ASIC2: variants seen among roughly 807,000 people sequenced by gnomAD.
ASIC2 encodes acid sensing ion channel subunit 2.
Under a neutral mutation model 57.3 loss-of-function variants are expected in ASIC2, and 25 were observed. The observed-to-expected ratio is 0.44, with a 90% CI of 0.32 to 0.61. The LOEUF (loss-of-function observed/expected upper bound fraction) is 0.61, where lower values mean the gene tolerates loss of function less well. ASIC2 is among the 20% of genes least tolerant of loss of function. The pLI is 0.06. For missense variants in ASIC2, 641 were observed against 738.1 expected (o/e 0.87, Z 1.52); for synonymous variants, 319 against 307.5 (o/e 1.04, Z -0.39).
intron 1 of ASIC2, among the ~76,000 whole-genome samples, chr17:33,803,772 TA>T: frequency 6.6e-6 from 1 of 152,218 alleles, no homozygotes; most frequent in East Asian, 1.9e-4. Context: ...GTAAGGAAGA[TA>T]AAGGCTTGGA....
intron 1 of ASIC2, chr17:33,827,657 A>G (rs1265532714): frequency 6.6e-6 from 1 of 151,694 alleles, no homozygotes; most frequent in East Asian, 1.9e-4. Flanking sequence ...GCTCACTCTT[A>G]TTTATGAAGG....
At chr17:33,147,789 A>G (rs930129202) in intron 1 of ASIC2, among the ~76,000 whole-genome samples, 5 of 152,206 alleles carry the variant, frequency 3.3e-5, no homozygotes, top group Non-Finnish European at 5.9e-5. Context: ...TGGCACATCC[A>G]TCACTTTTAA....
intron 1 of ASIC2, chr17:33,692,513 T>C (rs952561316): frequency 3.9e-5 from 6 of 152,178 alleles, no homozygotes; most frequent in African/African-American, 1.2e-4. Context: ...CCAAACAGTA[T>C]ACACAAATAA....
chr17:34,040,805 G>A lies in ASIC2; in HGVS notation c.555+115173C>T, dbSNP rs376615303. 3.3e-5 allele frequency among the ~76,000 whole-genome samples: 5 copies of A among 152,246 alleles called. No homozygotes were observed. The East Asian group carries it at 7.7e-4, about 24-fold the overall frequency. ...TTACTGAAGCAATAGTTAAGTTTGA[G>A]GGAAAAACACCAAATATAACTACAG... is the stretch of plus-strand genomic sequence containing the variant. On this transcript the variant is annotated intron_variant, in intron 1 of 9. Transcript: ENST00000359872.
chr17:33,291,204 G>A (rs1597668474), intron 1 of ASIC2: 4 of 1,167,576 alleles, frequency 3.4e-6, no homozygotes, highest in East Asian at 2.8e-5. Flanking sequence ...CTGGTGGGAG[G>A]CGACTCCTCC....
intron 1 of ASIC2, among the ~76,000 whole-genome samples, chr17:33,235,669 G>A (rs555471930): frequency 2.0e-5 from 3 of 152,068 alleles, no homozygotes; most frequent in Non-Finnish European, 4.4e-5. Context: ...GAAGGAACCT[G>A]CCCTGGACAG....
intron 1 of ASIC2, among the ~76,000 whole-genome samples, chr17:33,873,883 A>C (rs757226612): frequency 6.6e-6 from 1 of 151,998 alleles, no homozygotes; most frequent in Non-Finnish European, 1.5e-5. Context: ...ACTCCCTTCC[A>C]CTGGTCTTAC....
At chr17:33,374,906 A>G (rs986360556) in intron 1 of ASIC2, among the ~76,000 whole-genome samples, 6 of 152,292 alleles carry the variant, frequency 3.9e-5, no homozygotes, top group Admixed American at 1.3e-4. Context: ...CACAGCCATG[A>G]GAGTTATGGA....
intron 1 of ASIC2, among the ~76,000 whole-genome samples, chr17:33,208,591 A>C (rs1907157401): frequency 6.6e-6 from 1 of 152,168 alleles, no homozygotes; most frequent in South Asian, 2.1e-4. Flanking sequence ...TTTGCTGACC[A>C]ACAAAGTCAG....
intron 1 of ASIC2, among the ~76,000 whole-genome samples, chr17:33,983,190 C>T (rs1457759640): frequency 1.3e-5 from 2 of 152,052 alleles, no homozygotes; most frequent in East Asian, 3.9e-4. Flanking sequence ...TCTCTAGTTG[C>T]CTGGAGATTT....
chr17:33,358,929 T>G (rs116742217), intron 1 of ASIC2, among the ~76,000 whole-genome samples: 1,712 of 152,310 alleles, frequency 0.011, 44 homozygotes, highest in African/African-American at 0.039. Flanking sequence ...CATCTACAAA[T>G]TTCTAGCCAA....
intron 1 of ASIC2, among the ~76,000 whole-genome samples, chr17:33,579,743 C>G (rs1241984092): frequency 6.6e-6 from 1 of 152,184 alleles, no homozygotes; most frequent in African/African-American, 2.4e-5. Flanking sequence ...GACCCAAACA[C>G]TAAACAGCAG....
chr17:33,849,350 C>A (rs1349755769), intron 1 of ASIC2, among the ~76,000 whole-genome samples: 1 of 152,122 alleles, frequency 6.6e-6, no homozygotes, highest in Admixed American at 6.5e-5. Flanking sequence ...CTTAACTGAG[C>A]CTCACCAGGG....
chr17:33,259,408 A>T (rs1395886627), intron 1 of ASIC2, among the ~76,000 whole-genome samples: 1 of 152,170 alleles, frequency 6.6e-6, no homozygotes, highest in Non-Finnish European at 1.5e-5. Flanking sequence ...ACATGTGTAG[A>T]TATCATTGCC....
chr17:34,119,650 C>A (rs1426188935), intron 1 of ASIC2, among the ~76,000 whole-genome samples: 1 of 150,180 alleles, frequency 6.7e-6, no homozygotes, highest in Admixed American at 6.7e-5. Flanking sequence ...CAAACACACA[C>A]ACAACCAGCC....
At chr17:33,777,265 A>AAATG (rs5820064) in intron 1 of ASIC2, among the ~76,000 whole-genome samples, 2 of 152,192 alleles carry the variant, frequency 1.3e-5, no homozygotes, top group African/African-American at 2.4e-5. Context: ...CTGAATCGTT[A>AAATG]AATGAATGAA....
intron 1 of ASIC2, among the ~76,000 whole-genome samples, chr17:33,900,885 AC>A (rs1187988852): frequency 6.6e-6 from 1 of 152,170 alleles, no homozygotes; most frequent in Non-Finnish European, 1.5e-5. Flanking sequence ...TATGCCTTTA[AC>A]CAGCCTTGGC....
intron 1 of ASIC2, among the ~76,000 whole-genome samples, chr17:33,447,109 C>G (rs971127610): frequency 2.0e-5 from 3 of 152,188 alleles, no homozygotes; most frequent in Non-Finnish European, 4.4e-5. Context: ...GAGCTGTGAT[C>G]CCTGTTTATT....
intron 1 of ASIC2, among the ~76,000 whole-genome samples, chr17:33,950,356 G>A (rs577792673): frequency 6.6e-6 from 1 of 152,324 alleles, no homozygotes; most frequent in Non-Finnish European, 1.5e-5. Flanking sequence ...CACACAAAAA[G>A]AAGTAAAACC....
Sources: allele counts gnomAD v4.1 joint callset (sites outside exome capture counted in the v4.1 genomes callset), GRCh38; gene constraint gnomAD v4.1.1; transcripts MANE v1.5; gene names NCBI Gene and HGNC (gene_info 2026-07-23, HGNC 2026-07-21).